The following PKIA variants were observed in gnomAD, a reference collection of about 807,000 sequenced individuals.
PKIA encodes PKI-alpha.
PKIA carries 4 observed loss-of-function variants against 7.6 expected under a neutral mutation model. The ratio of observed to expected loss-of-function variants is 0.52; its 90% confidence interval spans 0.26 to 1.20. The LOEUF (loss-of-function observed/expected upper bound fraction) is 1.20. PKIA is among the 50% of genes most tolerant of loss of function. The pLI is 0.13. For missense variants in PKIA, 73 were observed against 86.2 expected (o/e 0.85, Z 0.61); for synonymous variants, 21 against 30.7 (o/e 0.68, Z 1.04).
rs374041772 is a variant in PKIA at position 78,549,963 on chromosome 8, G to A, written c.-156-22848G>A. On this transcript the variant is annotated intron_variant, in intron 1 of 3. Coordinates refer to ENST00000396418, the MANE Select transcript of PKIA (RefSeq NM_006823.4). ...ACCGTAATACAATGAGTTTATTTTAGTCAGCAATTACAATGACAAAATGCT... is the reference window on the plus strand; with the variant it reads ...ACCGTAATACAATGAGTTTATTTTAATCAGCAATTACAATGACAAAATGCT... Among the ~76,000 whole-genome samples the A allele has an allele frequency of 3.9e-5, 6 of 152,146 alleles. No homozygotes were observed. The East Asian group carries it at 5.8e-4, about 15-fold the overall frequency.
At chr8:78,588,420 C>T (rs892119798) in intron 2 of PKIA, among the ~76,000 whole-genome samples, 3 of 152,080 alleles carry the variant, frequency 2.0e-5, no homozygotes, top group South Asian at 2.1e-4. Context: ...GCGGAGGTTG[C>T]GGTGAGCCAA....
intron 2 of PKIA, among the ~76,000 whole-genome samples, chr8:78,573,146 CT>C (rs1474769924): frequency 6.6e-6 from 1 of 151,966 alleles, no homozygotes; most frequent in Non-Finnish European, 1.5e-5. Flanking sequence ...CTATTTTTAG[CT>C]TGTTGTTACT....
chr8:78,592,523 A>G (rs1191130227), intron 2 of PKIA, among the ~76,000 whole-genome samples: 1 of 152,124 alleles, frequency 6.6e-6, no homozygotes, highest in Non-Finnish European at 1.5e-5. Context: ...TCTTCTCACA[A>G]TTGTCTCTAT....
intron 2 of PKIA, among the ~76,000 whole-genome samples, chr8:78,591,625 A>G (rs1327540362): frequency 1.3e-5 from 2 of 152,158 alleles, no homozygotes; most frequent in African/African-American, 2.4e-5. Flanking sequence ...ACAACTTTAA[A>G]TAGTTCAGTA....
chr8:78,517,316 G>A (rs1204987871), intron 1 of PKIA, among the ~76,000 whole-genome samples: 1 of 152,068 alleles, frequency 6.6e-6, no homozygotes, highest in South Asian at 2.1e-4. Flanking sequence ...AACTCCCTTC[G>A]CTGTAGTCAC....
At chr8:78,580,638 A>G (rs1341573975) in intron 2 of PKIA, among the ~76,000 whole-genome samples, 1 of 152,072 alleles carries the variant, frequency 6.6e-6, no homozygotes, top group East Asian at 1.9e-4. Flanking sequence ...CACTCAATAC[A>G]GATAGTTATA....
chr8:78,522,179 A>C (rs535960146), intron 1 of PKIA, among the ~76,000 whole-genome samples: 1 of 152,088 alleles, frequency 6.6e-6, no homozygotes, highest in African/African-American at 2.4e-5. Context: ...CTAGCATATA[A>C]CACCACCATA....
intron 1 of PKIA, among the ~76,000 whole-genome samples, chr8:78,523,968 A>G (rs1201626139): frequency 1.6e-5 from 2 of 127,186 alleles, no homozygotes; most frequent in African/African-American, 5.7e-5. Flanking sequence ...ATAAATATAT[A>G]AACATTTATA....
chr8:78,591,682 G>T (rs1808100177), intron 2 of PKIA, among the ~76,000 whole-genome samples: 1 of 151,906 alleles, frequency 6.6e-6, no homozygotes. Context: ...ATCCCATAAG[G>T]CTGAATATTA....
chr8:78,595,668 A>C (rs752089065), intron 2 of PKIA, among the ~76,000 whole-genome samples: 10 of 152,052 alleles, frequency 6.6e-5, no homozygotes, highest in African/African-American at 2.4e-4. Context: ...ACCACTTATA[A>C]GTGAGAACGT....
chr8:78,587,772 T>C (rs1373833714), intron 2 of PKIA, among the ~76,000 whole-genome samples: 1 of 152,188 alleles, frequency 6.6e-6, no homozygotes, highest in African/African-American at 2.4e-5. Flanking sequence ...TAATTGTGAA[T>C]ATAAGAAAAG....
At position 78,562,585 on chromosome 8, in the gene PKIA, A is replaced by G. The variant is rs916946629; in HGVS notation, c.-156-10226A>G. On this transcript the variant is annotated intron_variant, in intron 1 of 3. Coordinates refer to ENST00000396418, the MANE Select transcript of PKIA (RefSeq NM_006823.4). ...CCTGGGATGCAGCAAGCTTGTAGCTATCACGTGGCTTTGCATTTACTGATC... is the reference window on the plus strand; with the variant it reads ...CCTGGGATGCAGCAAGCTTGTAGCTGTCACGTGGCTTTGCATTTACTGATC... Among the ~76,000 whole-genome samples the G allele has an allele frequency of 4.6e-5, 7 of 152,164 alleles. No individual in the cohort carries two copies. The East Asian group carries it at 7.7e-4, about 17-fold the overall frequency.
chr8:78,573,596 G>A (rs1245647832), intron 2 of PKIA, among the ~76,000 whole-genome samples: 1 of 151,912 alleles, frequency 6.6e-6, no homozygotes, highest in African/African-American at 2.4e-5. Flanking sequence ...AAAAACAGCA[G>A]TAACATCATA....
intron 1 of PKIA, among the ~76,000 whole-genome samples, chr8:78,521,221 G>C (rs1050655268): frequency 6.6e-6 from 1 of 152,062 alleles, no homozygotes; most frequent in Non-Finnish European, 1.5e-5. Context: ...AATATATTCA[G>C]TTCTCTTAGG....
At chr8:78,554,023 G>A (rs536307324) in intron 1 of PKIA, among the ~76,000 whole-genome samples, 30 of 152,018 alleles carry the variant, frequency 2.0e-4, no homozygotes, top group Non-Finnish European at 3.5e-4. Context: ...ACACTGCAGT[G>A]TTGGGAACCA....
At chr8:78,564,444 A>G (rs1168706528) in intron 1 of PKIA, among the ~76,000 whole-genome samples, 1 of 150,600 alleles carries the variant, frequency 6.6e-6, no homozygotes, top group Non-Finnish European at 1.5e-5. Flanking sequence ...AATAGTTATC[A>G]AAAAATTTAA....
At chr8:78,588,071 A>T (rs1369190554) in intron 2 of PKIA, among the ~76,000 whole-genome samples, 1 of 152,236 alleles carries the variant, frequency 6.6e-6, no homozygotes, top group Non-Finnish European at 1.5e-5. Context: ...TAATATAAAG[A>T]GGTCAACATG....
At chr8:78,584,631 A>C (rs528298692) in intron 2 of PKIA, among the ~76,000 whole-genome samples, 25 of 152,268 alleles carry the variant, frequency 1.6e-4, no homozygotes, top group African/African-American at 5.8e-4. Context: ...ATAATGCTGG[A>C]ATAAAAATCT....
At chr8:78,556,489 A>C (rs1456909654) in intron 1 of PKIA, 1 of 152,016 alleles carries the variant, frequency 6.6e-6, no homozygotes, top group Non-Finnish European at 1.5e-5. Flanking sequence ...GTGAGGAAAA[A>C]AGCACTTACT....
Sources: gnomAD v4.1 joint callset for allele counts (sites outside exome capture counted in the v4.1 genomes callset) on GRCh38, gnomAD v4.1.1 for gene constraint, MANE v1.5 for transcripts, NCBI Gene and HGNC (gene_info 2026-07-23, HGNC 2026-07-21) for gene names.